The following EHHADH variants were observed in gnomAD, a reference collection of about 807,000 sequenced individuals.
The protein encoded by EHHADH is enoyl-CoA hydratase and 3-hydroxyacyl CoA dehydrogenase.
A neutral mutation model predicts 64.4 loss-of-function variants in EHHADH; 48 were observed. That is an observed-to-expected ratio of 0.75 (90% confidence interval 0.59 to 0.95). The LOEUF (loss-of-function observed/expected upper bound fraction) is 0.95, where lower values mean the gene tolerates loss of function less well. Ranked by LOEUF, EHHADH falls within the 40% of genes least tolerant of loss-of-function variation. The pLI, the probability that EHHADH is intolerant of heterozygous loss-of-function variation, is 0.00. For missense variants in EHHADH, 854 were observed against 876.6 expected (o/e 0.97, Z 0.33); for synonymous variants, 308 against 326.7 (o/e 0.94, Z 0.62).
intron 2 of EHHADH, chr3:185,245,974 T>A (rs1377535512): frequency 6.7e-7 from 1 of 1,493,028 alleles, no homozygotes; most frequent in South Asian, 1.1e-5. Flanking sequence ...GATTACTGAA[T>A]GAGATACCAT....
Position 185,210,221 on chromosome 3 carries a change from G to A in EHHADH, c.569-5464C>T, listed in dbSNP as rs567155630. ...ACCTCTGTTCCCAGCATTCCTGGGGGTGCTTCTCAACATCATAGCACACAT... is the reference window on the plus strand; with the variant it reads ...ACCTCTGTTCCCAGCATTCCTGGGGATGCTTCTCAACATCATAGCACACAT... On this transcript the variant is annotated intron_variant, in intron 5 of 6. Transcript: ENST00000231887. Among the ~76,000 whole-genome samples the A allele has an allele frequency of 2.5e-4, 38 of 152,296 alleles. No homozygotes were observed. In the South Asian group the frequency reaches 5.4e-3, roughly 22 times the overall value.
At chr3:185,210,773 G>A (rs944411632) in intron 5 of EHHADH, among the ~76,000 whole-genome samples, 2 of 152,190 alleles carry the variant, frequency 1.3e-5, no homozygotes, top group Non-Finnish European at 2.9e-5. Flanking sequence ...ATCAAGGACA[G>A]CTGCAGTTCC....
chr3:185,194,960 G>C (rs1212825523), intron 6 of EHHADH, among the ~76,000 whole-genome samples: 1 of 152,034 alleles, frequency 6.6e-6, no homozygotes, highest in Non-Finnish European at 1.5e-5. Flanking sequence ...TAACAAGAGT[G>C]CCAAGAACAT....
intron 5 of EHHADH, among the ~76,000 whole-genome samples, chr3:185,213,368 G>A (rs1718601278): frequency 6.6e-6 from 1 of 151,984 alleles, no homozygotes; most frequent in South Asian, 2.1e-4. Flanking sequence ...TGCTAACCGT[G>A]CTTTAACAAG....
rs908125048 is a variant in EHHADH, at chr3:185,190,755, T to C, written c.*1471A>G. 1 of 152,204 alleles carries C rather than the reference T, an allele frequency of 6.6e-6. No individual in the cohort carries two copies. The highest frequency in any genetic ancestry group is 1.5e-5 in the Non-Finnish European group (1 of 68,032). 9.4% of individuals were successfully genotyped at this position (152,204 alleles called of 1,614,324 possible). A position where few individuals can be genotyped will look rare whatever the true frequency, so the allele number is the denominator to read the frequency against. The stretch of plus-strand genomic sequence containing the variant: ...TTCAAGGCACACTTGGATTTTTTGT[T>C]GGTTTTTTGTTTGCTTTTTAACAAC... On this transcript the variant is annotated 3_prime_UTR_variant, in exon 7 of 7. Coordinates refer to ENST00000231887, the MANE Select transcript of EHHADH (RefSeq NM_001966.4).
chr3:185,218,872 A>T (rs1198352268), intron 4 of EHHADH, among the ~76,000 whole-genome samples: 1 of 152,104 alleles, frequency 6.6e-6, no homozygotes, highest in Non-Finnish European at 1.5e-5. Context: ...CAAATACAAA[A>T]ATTAACTGGG....
At chr3:185,228,864 C>A (rs920842496) in intron 4 of EHHADH, among the ~76,000 whole-genome samples, 1 of 151,678 alleles carries the variant, frequency 6.6e-6, no homozygotes, top group Non-Finnish European at 1.5e-5. Flanking sequence ...AGTGCAGTGG[C>A]GTAGTCTCAG....
intron 4 of EHHADH, among the ~76,000 whole-genome samples, chr3:185,218,727 TAA>T (rs989044774): frequency 6.3e-5 from 9 of 143,852 alleles, no homozygotes; most frequent in African/African-American, 7.6e-5. Flanking sequence ...TGTGGATGGT[TAA>T]AAAAAAAAAA....
intron 3 of EHHADH, among the ~76,000 whole-genome samples, chr3:185,230,498 G>T (rs1001341873): frequency 2.6e-5 from 4 of 152,164 alleles, no homozygotes; most frequent in African/African-American, 9.7e-5. Flanking sequence ...AATCAATAAA[G>T]AACTGATTCA....
rs181659991 is a variant in EHHADH at position 185,248,020 on chromosome 3, C to T, written c.178+394G>A. ...GTAGAGGCTTTCAGATATGTTATCT[C>T]GCTTAATGTCACAAAAACCCCTTAA... On this transcript the variant is annotated intron_variant, in intron 2 of 6. Transcript: ENST00000231887. 1.3e-3 allele frequency: 214 copies of T among 163,384 alleles called. 3 individuals are homozygous for T. The Middle Eastern group carries it at 0.02, about 15-fold the overall frequency. 10.1% of individuals were successfully genotyped at this position (163,384 alleles called of 1,614,324 possible). A position where few individuals can be genotyped will look rare whatever the true frequency, so the allele number is the denominator to read the frequency against.
chr3:185,192,555 T>C lies in EHHADH; in HGVS notation c.1843A>G (p.Ser615Gly). 1 of 1,614,238 alleles carries C rather than the reference T, an allele frequency of 6.2e-7. No individual in the cohort carries two copies. The highest frequency in any genetic ancestry group is 1.6e-4 in the Middle Eastern group (1 of 6,062). Residue 615 changes from serine to glycine, a missense_variant, in exon 7 of 7, where the codon AGC (serine) becomes GGC (glycine). Coordinates refer to ENST00000231887, the MANE Select transcript of EHHADH (RefSeq NM_001966.4). ...CAGCGTTCAAGGATCTCATCCTGGC[T>C]AATGGTACGTGGTTCAATGTGATGG... is the stretch of plus-strand genomic sequence containing the variant. ...KTHHIEPRTI[S>G]QDEILERCLY...
chr3:185,192,267 C>T lies in EHHADH; in HGVS notation c.2131G>A (p.Glu711Lys). 3 of 1,614,000 alleles carry T rather than the reference C, an allele frequency of 1.9e-6. No homozygotes were observed. Among genetic ancestry groups the T allele is most frequent in the Non-Finnish European group, 1.7e-6 (2 of 1,179,984 alleles). Residue 711 changes from glutamate to lysine, a missense_variant, in exon 7 of 7, where the codon GAA becomes AAA. Transcript: ENST00000231887. ...GGGGAGCCTGCCAAGCTTTGCCATT[C>T]TTTCAGGGGAGGGTTTCCCTGAGAA... The part of the protein sequence containing the change: ...LASQGNPPLK[E>K]WQSLAGSPSS...
rs184694349 is a variant in EHHADH at position 185,229,578 on chromosome 3, T to C, written c.352-35A>G. 2.6e-4 allele frequency: 348 copies of C among 1,325,718 alleles called. 2 individuals carry two copies. The African/African-American group carries it at 3.9e-3, about 15-fold the overall frequency. The allele number at this position is 1,325,718 out of a possible 1,614,324, so 82.1% of individuals were successfully genotyped here. ...ATTGAAGGCATAAAGGCCATTAGCA[T>C]GAGATGGTATGTTCAGAGTTAAGGC... On this transcript the variant is annotated intron_variant, in intron 3 of 6. Coordinates refer to ENST00000231887, the MANE Select transcript of EHHADH (RefSeq NM_001966.4).
intron 5 of EHHADH, among the ~76,000 whole-genome samples, chr3:185,211,534 C>T (rs951728159): frequency 6.6e-6 from 1 of 152,126 alleles, no homozygotes; most frequent in Non-Finnish European, 1.5e-5. Flanking sequence ...TCACGGAAAT[C>T]GTGAACACAG....
intron 4 of EHHADH, among the ~76,000 whole-genome samples, chr3:185,227,592 G>A (rs1253123449): frequency 8.6e-5 from 13 of 151,588 alleles, no homozygotes; most frequent in South Asian, 2.1e-4. Flanking sequence ...TTGGGAGGCC[G>A]AGGCAGGCAG....
chr3:185,192,500 C>G lies in EHHADH; in HGVS notation c.1898G>C (p.Arg633Pro), dbSNP rs576887957. The G allele has an allele frequency of 6.8e-6, 11 of 1,614,198 alleles. No homozygotes were observed. Among genetic ancestry groups the G allele is most frequent in the Non-Finnish European group, 9.3e-6 (11 of 1,180,046 alleles). The change falls in exon 7 of 7, where the codon CGT (arginine) becomes CCT (proline). Residue 633 changes from arginine to proline, a missense_variant. By Grantham distance (103) the Arg-to-Pro change is moderately radical (BLOSUM62 -2). Transcript: ENST00000231887. ...CLYSLINEAF[R>P]ILGEGIAASP... ...AGCAGCTATCCCTTCTCCCAAGATA[C>G]GGAATGCTTCATTGATAAGTGAATA...
intron 3 of EHHADH, among the ~76,000 whole-genome samples, chr3:185,234,836 T>C (rs1254959193): frequency 1.3e-5 from 2 of 152,234 alleles, no homozygotes; most frequent in East Asian, 3.8e-4. Context: ...TTAGTACCAC[T>C]GTACTGGCAC....
chr3:185,214,336 C>G lies in EHHADH; in HGVS notation c.568+3800G>C, dbSNP rs143636987. On this transcript the variant is annotated intron_variant, in intron 5 of 6. Transcript: ENST00000231887. ...TGAAACCAGCTAATTTTGTTGAACC[C>G]TTTCTTTTACCAATACATAAAACAA... 3.2e-4 allele frequency among the ~76,000 whole-genome samples: 48 copies of G among 152,244 alleles called. No individual in the cohort carries two copies. In the East Asian group the frequency reaches 8.7e-3, roughly 28 times the overall value.
At chr3:185,202,451 G>C (rs1718257237) in intron 6 of EHHADH, among the ~76,000 whole-genome samples, 1 of 152,110 alleles carries the variant, frequency 6.6e-6, no homozygotes, top group African/African-American at 2.4e-5. Flanking sequence ...TACCAAAGTT[G>C]AATTGAGAGA....
Sources: allele counts gnomAD v4.1 joint callset (sites outside exome capture counted in the v4.1 genomes callset), GRCh38; gene constraint gnomAD v4.1.1; transcripts MANE v1.5; gene names NCBI Gene and HGNC (gene_info 2026-07-23, HGNC 2026-07-21).